VKORC1L1: variants seen among roughly 807,000 people sequenced by gnomAD.
VKORC1L1 encodes the protein vitamin K epoxide reductase complex subunit 1L1.
Under a neutral mutation model 18.9 loss-of-function variants are expected in VKORC1L1, and 2 were observed. That is an observed-to-expected ratio of 0.11 (90% confidence interval 0.04 to 0.33). The LOEUF is 0.33. Ranked by LOEUF, VKORC1L1 falls within the 10% of genes least tolerant of loss-of-function variation. The probability of loss-of-function intolerance (pLI) is 1.00; values close to 1 mark genes in which losing one functional copy is unlikely to be tolerated. For synonymous variants in VKORC1L1, 96 were observed against 100.0 expected (o/e 0.96, Z 0.24); for missense variants, 123 against 224.1 (o/e 0.55, Z 2.88).
intron 1 of VKORC1L1, among the ~76,000 whole-genome samples, chr7:65,875,726 C>G (rs1447262546): frequency 6.6e-6 from 1 of 152,102 alleles, no homozygotes; most frequent in African/African-American, 2.4e-5. Context: ...CTGAAACAGA[C>G]TTTAAATGAA....
intron 1 of VKORC1L1, among the ~76,000 whole-genome samples, chr7:65,882,407 T>TA (rs1230206145): frequency 1.4e-5 from 1 of 71,066 alleles, no homozygotes; most frequent in Non-Finnish European, 3.0e-5. Flanking sequence ...AAATAAAAAG[T>TA]AAAAAAGCAA....
In VKORC1L1 at chr7:65,955,034, G is replaced by A. The variant is rs1790272235; in HGVS notation, c.*734G>A. 6.6e-6 allele frequency: 1 copy of A among 152,174 alleles called. No individual in the cohort carries two copies. Among genetic ancestry groups the A allele is most frequent in the African/African-American group, 2.4e-5 (1 of 41,422 alleles). The allele number at this position is 152,174 out of a possible 1,614,324, so 9.4% of individuals were successfully genotyped here. A position where few individuals can be genotyped will look rare whatever the true frequency, so the allele number is the denominator to read the frequency against. ...TCTTCTGAAAGGAAAAAATTGAATT[G>A]GAACGTTCAAGTCCAGTTTGTGTTC... On this transcript the variant is annotated 3_prime_UTR_variant, in exon 3 of 3. Coordinates refer to ENST00000360768, the MANE Select transcript of VKORC1L1 (RefSeq NM_173517.6).
intron 2 of VKORC1L1, among the ~76,000 whole-genome samples, chr7:65,952,460 G>A (rs1476363168): frequency 6.6e-6 from 1 of 152,150 alleles, no homozygotes; most frequent in African/African-American, 2.4e-5. Flanking sequence ...TAGTCTTGAA[G>A]TGCCCTATGA....
At chr7:65,913,901 C>G (rs1254921157) in intron 1 of VKORC1L1, among the ~76,000 whole-genome samples, 1 of 151,856 alleles carries the variant, frequency 6.6e-6, no homozygotes, top group Admixed American at 6.6e-5. Flanking sequence ...ACTTTTAGGG[C>G]CTCCCTCCAG....
intron 1 of VKORC1L1, among the ~76,000 whole-genome samples, chr7:65,895,466 AAAAAAAAAAAAAAAAT>A (rs1789177440): frequency 4.0e-5 from 2 of 50,338 alleles, no homozygotes; most frequent in Non-Finnish European, 7.2e-5. Flanking sequence ...AAAAAAAAAA[AAAAAAAAAAAAAAAAT>A]ATATATATAT....
intron 1 of VKORC1L1, among the ~76,000 whole-genome samples, chr7:65,945,761 GATA>G (rs1478250861): frequency 2.6e-5 from 4 of 152,106 alleles, no homozygotes; most frequent in African/African-American, 7.2e-5. Flanking sequence ...GTATAACTTT[GATA>G]ATATATTCAT....
chr7:65,951,196 A>G (rs1168743258), intron 2 of VKORC1L1, among the ~76,000 whole-genome samples: 2 of 152,234 alleles, frequency 1.3e-5, no homozygotes, highest in African/African-American at 2.4e-5. Context: ...TCCAGAGCAC[A>G]GCATCTGTAC....
chr7:65,928,285 C>T (rs1233685435), intron 1 of VKORC1L1, among the ~76,000 whole-genome samples: 2 of 127,932 alleles, frequency 1.6e-5, no homozygotes, highest in Admixed American at 1.8e-4. Flanking sequence ...CAGATGGGGT[C>T]TCACTGTGAT....
intron 1 of VKORC1L1, among the ~76,000 whole-genome samples, chr7:65,880,737 G>A (rs902208635): frequency 2.0e-5 from 3 of 152,158 alleles, no homozygotes; most frequent in Non-Finnish European, 4.4e-5. Context: ...GAGAAGAACA[G>A]CAAGTGGTCA....
chr7:65,871,002 T>C (rs1788719005), upstream of VKORC1L1, among the ~76,000 whole-genome samples: 2 of 152,110 alleles, frequency 1.3e-5, no homozygotes, highest in South Asian at 4.2e-4. Context: ...CTCAGGCTGG[T>C]CTTGAACTGC....
At chr7:65,918,158 C>A (rs1264625403) in intron 1 of VKORC1L1, among the ~76,000 whole-genome samples, 1 of 152,148 alleles carries the variant, frequency 6.6e-6, no homozygotes, top group Non-Finnish European at 1.5e-5. Flanking sequence ...CATTGTGATT[C>A]TTTTGTTCTA....
intron 1 of VKORC1L1, among the ~76,000 whole-genome samples, chr7:65,887,894 AC>A (rs1789042470): frequency 6.6e-6 from 1 of 152,178 alleles, no homozygotes; most frequent in South Asian, 2.1e-4. Flanking sequence ...CTCCCAAAGG[AC>A]TGTACTAATT....
chr7:65,905,159 A>G (rs1789385084), intron 1 of VKORC1L1, among the ~76,000 whole-genome samples: 1 of 152,126 alleles, frequency 6.6e-6, no homozygotes, highest in African/African-American at 2.4e-5. Context: ...GTTTCCTTTA[A>G]CTTTTAATCG....
At chr7:65,950,961 A>G (rs2115745322) in intron 2 of VKORC1L1, among the ~76,000 whole-genome samples, 1 of 152,342 alleles carries the variant, frequency 6.6e-6, no homozygotes, top group East Asian at 1.9e-4. Context: ...TTTAAAGGCA[A>G]AGAACCTAAG....
In VKORC1L1 at chr7:65,873,498, G is replaced by C. The variant is rs778156295; in HGVS notation, c.127G>C (p.Asp43His). 1.9e-6 allele frequency: 3 copies of C among 1,594,466 alleles called. No homozygotes were observed. In the South Asian group the frequency reaches 3.3e-5, roughly 18 times the overall value. The change falls in exon 1 of 3, where the codon GAC (aspartate) becomes CAC (histidine). Residue 43 changes from aspartate to histidine, a missense_variant. By Grantham distance (81) the Asp-to-His change is moderately conservative. Coordinates refer to ENST00000360768, the MANE Select transcript of VKORC1L1 (RefSeq NM_173517.6). ...AYHVEREKERDPEHRALCDLG... is the reference protein window; with the variant it reads ...AYHVEREKERHPEHRALCDLG... ...CCACGTGGAGCGGGAGAAGGAGCGG[G>C]ACCCCGAGCACCGGGCCCTCTGCGA...
intron 1 of VKORC1L1, among the ~76,000 whole-genome samples, chr7:65,922,456 G>A (rs1478573314): frequency 6.6e-6 from 1 of 151,990 alleles, no homozygotes; most frequent in African/African-American, 2.4e-5. Context: ...GCTAATTTTT[G>A]TATTTTTACT....
rs539677605 is a variant in VKORC1L1 at position 65,896,119 on chromosome 7, G to A, written c.194+22554G>A. Among the ~76,000 whole-genome samples, 76 of 148,260 alleles carry A rather than the reference G, an allele frequency of 5.1e-4. No homozygotes were observed. The South Asian group carries it at 0.012, about 23-fold the overall frequency. ...GGGTTTCACCATGTTGGCCAGGCTC[G>A]TTTTGAACTCCTGACCTCAAGTGAT... On this transcript the variant is annotated intron_variant, in intron 1 of 2. Coordinates refer to ENST00000360768, the MANE Select transcript of VKORC1L1 (RefSeq NM_173517.6).
chr7:65,868,142 T>C (rs943834979), upstream of VKORC1L1, among the ~76,000 whole-genome samples: 1 of 151,784 alleles, frequency 6.6e-6, no homozygotes, highest in African/African-American at 2.4e-5. Context: ...CCACCACACC[T>C]AGCACATGCT....
At chr7:65,949,776 G>A (rs1238912603) in intron 2 of VKORC1L1, among the ~76,000 whole-genome samples, 1 of 152,052 alleles carries the variant, frequency 6.6e-6, no homozygotes, top group Admixed American at 6.6e-5. Flanking sequence ...AGAGCAAGAC[G>A]CTGTCTCAAA....
Sources: allele counts gnomAD v4.1 joint callset (sites outside exome capture counted in the v4.1 genomes callset), GRCh38; gene constraint gnomAD v4.1.1; transcripts MANE v1.5; gene names NCBI Gene and HGNC (gene_info 2026-07-23, HGNC 2026-07-21).